The following TRPM7 variants were observed in gnomAD, a reference collection of about 807,000 sequenced individuals.
The protein encoded by TRPM7 is LTRPC ion channel family member 7.
Under a neutral mutation model 229.7 loss-of-function variants are expected in TRPM7, and 134 were observed. That is an observed-to-expected ratio of 0.58 (90% CI 0.51 to 0.67). The LOEUF is 0.67. Ranked by LOEUF, TRPM7 falls within the 30% of genes least tolerant of loss-of-function variation. The pLI, the probability that TRPM7 is intolerant of heterozygous loss-of-function variation, is 0.00. For synonymous variants in TRPM7, 699 were observed against 715.2 expected (o/e 0.98, Z 0.36); for missense variants, 1,901 against 2,210.0 (o/e 0.86, Z 2.80).
intron 5 of TRPM7, 116 bp downstream of exon 5, chr15:50,643,224 G>A: frequency 1.3e-6 from 1 of 785,284 alleles, no homozygotes; most frequent in Non-Finnish European, 2.1e-6. Flanking sequence ...GGGAGGCAGA[G>A]GTTGCAGTGA....
rs1555435749 is a variant in TRPM7 at position 50,677,759 on chromosome 15, AAC to A, written c.3+8770_3+8771del. Among the ~76,000 whole-genome samples the A allele has an allele frequency of 6.2e-4, 93 of 149,536 alleles. 8 individuals are homozygous for A. The highest frequency in any genetic ancestry group is 3.4e-3 in the Middle Eastern group (1 of 290). The stretch of plus-strand genomic sequence containing the variant: ...GTATCAAAAAAAAAAAAAAAAAAAA[AAC>A]AAAAGGTAACCCAGAGCCTCTACTA... On this transcript the variant is annotated intron_variant, in intron 1 of 38. Transcript: ENST00000646667.
At chr15:50,663,132 T>C in intron 1 of TRPM7, 86 bp from the exon 2 acceptor site, 1 of 1,045,472 alleles carries the variant, frequency 9.6e-7, no homozygotes, top group Non-Finnish European at 1.4e-6. Context: ...CATAAACAGT[T>C]CTTTTTTTTT....
At chr15:50,663,840 G>A (rs540335622) in intron 1 of TRPM7, among the ~76,000 whole-genome samples, 1 of 152,244 alleles carries the variant, frequency 6.6e-6, no homozygotes, top group South Asian at 2.1e-4. Context: ...ATGTGCTCCT[G>A]TAGTCCCAGC....
chr15:50,678,995 T>A (rs535480681), intron 1 of TRPM7, among the ~76,000 whole-genome samples: 2 of 152,174 alleles, frequency 1.3e-5, no homozygotes, highest in African/African-American at 4.8e-5. Flanking sequence ...TGCCTCAGCC[T>A]CCCGAGTAGC....
chr15:50,657,847 T>C, intron 2 of TRPM7, 28 bp from the exon 3 acceptor site: 1 of 1,591,810 alleles, frequency 6.3e-7, no homozygotes. Context: ...GTAAATAAAT[T>C]ATTTCAGGTG....
intron 10 of TRPM7, among the ~76,000 whole-genome samples, chr15:50,630,281 A>G (rs955700546): frequency 1.1e-4 from 16 of 151,978 alleles, no homozygotes; most frequent in African/African-American, 3.9e-4. Flanking sequence ...ATATTTTATC[A>G]CAGTATTTTA....
At chr15:50,588,381 AG>A in intron 27 of TRPM7, 6 of 154,944 alleles carry the variant, frequency 3.9e-5, no homozygotes, top group Non-Finnish European at 7.9e-5. Flanking sequence ...ATCAATATCT[AG>A]TTAATAGATA....
chr15:50,634,291 A>C, intron 8 of TRPM7, 91 bp downstream of exon 8: 1 of 1,048,006 alleles, frequency 9.5e-7, no homozygotes, highest in Non-Finnish European at 1.3e-6. Context: ...ACTGCACGCT[A>C]TCCAGGCTGG....
At chr15:50,640,160 C>A (rs56170748) in intron 5 of TRPM7, among the ~76,000 whole-genome samples, 1 of 151,906 alleles carries the variant, frequency 6.6e-6, no homozygotes, top group Non-Finnish European at 1.5e-5. Flanking sequence ...CAGGACCATA[C>A]GCAAAACACA....
chr15:50,571,474 T>C (rs916527888), intron 36 of TRPM7, among the ~76,000 whole-genome samples: 1 of 152,122 alleles, frequency 6.6e-6, no homozygotes, highest in Admixed American at 6.6e-5. Flanking sequence ...TCAACACAGA[T>C]GTAAATCATG....
Position 50,631,473 on chromosome 15 carries a change from A to G in TRPM7, c.1148T>C (p.Ile383Thr). ...KRKELITVFH[I>T]GSDEHQDIDV... The stretch of plus-strand genomic sequence containing the variant: ...TATATCTTGATGTTCATCTGACCCA[A>G]TATGGAAAACAGTGATCTATTTAAA... Residue 383 changes from isoleucine to threonine, a missense_variant, in exon 10 of 39, where the codon ATT becomes ACT. Ile to Thr is a moderately conservative substitution (Grantham distance 89). Coordinates refer to ENST00000646667, the MANE Select transcript of TRPM7 (RefSeq NM_017672.6). 1 of 1,605,612 alleles carries G rather than the reference A, an allele frequency of 6.2e-7. No individual in the cohort carries two copies. The highest frequency in any genetic ancestry group is 8.5e-7 in the Non-Finnish European group (1 of 1,172,908).
Position 50,607,260 on chromosome 15 carries a change from T to C in TRPM7, c.2649A>G (p.Ser883=). 6.2e-7 allele frequency: 1 copy of C among 1,609,298 alleles called. No individual in the cohort carries two copies. The highest frequency in any genetic ancestry group is 8.5e-7 in the Non-Finnish European group (1 of 1,177,272). ...VVLVQMEQLP[S]VQEWIVIAYI... ...AAGCAATAACAATCCATTCTTGAAC[T>C]GAAGGTAACTGTTCCATTTGTACAA... The change falls in exon 20 of 39, where the codon TCA becomes TCG. Residue 883 remains serine (S), a synonymous_variant. Transcript: ENST00000646667.
chr15:50,679,046 G>C (rs1289773470), intron 1 of TRPM7, among the ~76,000 whole-genome samples: 1 of 151,816 alleles, frequency 6.6e-6, no homozygotes, highest in African/African-American at 2.4e-5. Flanking sequence ...GCTAATTTTT[G>C]TATTTTTAGT....
At chr15:50,621,005 A>C (rs1283612213) in intron 12 of TRPM7, among the ~76,000 whole-genome samples, 1 of 150,362 alleles carries the variant, frequency 6.7e-6, no homozygotes. Flanking sequence ...TAAAAATACA[A>C]AAAATTAGCC....
chr15:50,569,182 G>C (rs1353670145), intron 38 of TRPM7, among the ~76,000 whole-genome samples: 3 of 152,136 alleles, frequency 2.0e-5, no homozygotes, highest in Non-Finnish European at 4.4e-5. Context: ...CTACAGGCAT[G>C]TGTCACTGCT....
At chr15:50,604,650 G>T in intron 21 of TRPM7, 2 of 425,400 alleles carry the variant, frequency 4.7e-6, no homozygotes, top group Middle Eastern at 6.3e-4. Context: ...ACCATAGATG[G>T]TATAGCTAAC....
At position 50,565,884 on chromosome 15, in the gene TRPM7, C is replaced by T. The variant is rs572201274; in HGVS notation, c.5467+4003G>A. 8.2e-4 allele frequency among the ~76,000 whole-genome samples: 124 copies of T among 151,048 alleles called. 1 individual carries two copies. The highest frequency in any genetic ancestry group is 2.9e-3 in the African/African-American group (119 of 41,112). ...TGTCGCCCAGGCCAGAGTGCAGTGG[C>T]GCAATCTTGGCTCATTGCAACCTCT... On this transcript the variant is annotated intron_variant, in intron 38 of 38. Transcript: ENST00000646667.
In TRPM7 at chr15:50,624,188, C is replaced by A; in HGVS notation, c.1418G>T (p.Arg473Ile). The A allele has an allele frequency of 6.2e-7, 1 of 1,609,536 alleles. No homozygotes were observed. The highest frequency in any genetic ancestry group is 8.5e-7 in the Non-Finnish European group (1 of 1,178,496). ...VSMHKFLTIP[R>I]LEELYNTKQG... The stretch of plus-strand genomic sequence containing the variant: ...TACAGTGTTGTAAAGTTCTTCCAGT[C>A]TCGGAATGGTAAGGAATTTATGCAT... Residue 473 changes from arginine (R) to isoleucine (I), a missense_variant, in exon 12 of 39, where the codon AGA becomes ATA. Around this residue, in one of 8 missense-constraint regions of TRPM7, gnomAD observed 794 missense variants for 881.9 expected, o/e 0.90. Coordinates refer to ENST00000646667, the MANE Select transcript of TRPM7 (RefSeq NM_017672.6).
intron 1 of TRPM7, among the ~76,000 whole-genome samples, chr15:50,683,041 C>T (rs2062276326): frequency 6.6e-6 from 1 of 151,878 alleles, no homozygotes; most frequent in African/African-American, 2.4e-5. Context: ...CATCACCATG[C>T]CCAGCTAATG....
Sources: gnomAD v4.1 joint callset for allele counts (sites outside exome capture counted in the v4.1 genomes callset) on GRCh38, gnomAD v4.1.1 for gene constraint, gnomAD v4.1.1 regional missense constraint, MANE v1.5 for transcripts, NCBI Gene and HGNC (gene_info 2026-07-23, HGNC 2026-07-21) for gene names.